The following ANKRD52 variants were observed in gnomAD, a reference collection of about 807,000 sequenced individuals.
ANKRD52 encodes serine/threonine-protein phosphatase 6 regulatory ankyrin repeat subunit C.
Under a neutral mutation model 116.0 loss-of-function variants are expected in ANKRD52, and 7 were observed. That is an observed-to-expected ratio of 0.06 (90% confidence interval 0.03 to 0.11). The LOEUF (loss-of-function observed/expected upper bound fraction) is 0.11, where lower values mean the gene tolerates loss of function less well. ANKRD52 is among the 10% of genes least tolerant of loss of function. ANKRD52 has a pLI of 1.00. For missense variants in ANKRD52, 839 were observed against 1,408.6 expected (o/e 0.60, Z 6.47); for synonymous variants, 528 against 578.1 (o/e 0.91, Z 1.24).
chr12:56,240,069 C>T lies in ANKRD52; in HGVS notation c.*3073G>A, dbSNP rs541709049. 3 of 152,294 alleles carry T rather than the reference C, an allele frequency of 2.0e-5. No homozygotes were observed. Among genetic ancestry groups the T allele is most frequent in the South Asian group, 4.2e-4 (2 of 4,810 alleles). 9.4% of individuals were successfully genotyped at this position (152,294 alleles called of 1,614,324 possible). ...CCCCTCCCCCAGGGGCTGCTCCCCA[C>T]CCCAACCTGGGCTGTACATTCAGTG... On this transcript the variant is annotated 3_prime_UTR_variant, in exon 28 of 28. Coordinates refer to ENST00000267116, the MANE Select transcript of ANKRD52 (RefSeq NM_173595.4). This position sits in a 1 kb window ranked among gnomAD's most constrained non-coding sequence, Gnocchi z 4.2.
In ANKRD52 at chr12:56,248,451, C is replaced by T. The variant is rs1871524421; in HGVS notation, c.1776+44G>A. 1.3e-6 allele frequency: 2 copies of T among 1,554,248 alleles called. No individual in the cohort carries two copies. The highest frequency in any genetic ancestry group is 1.7e-6 in the Non-Finnish European group (2 of 1,143,438). ...TGGCACCTTTGTTAGGGCCTGGGAA[C>T]AGGTAGGACAAGGAAGGCAACAGAA... On this transcript the variant is annotated intron_variant, in intron 17 of 27. Transcript: ENST00000267116. The surrounding 1 kb of genome is among the most constrained non-coding windows in gnomAD (Gnocchi z 5.1).
rs748093246 is a variant in ANKRD52, at chr12:56,244,324, G to A, written c.2805+29C>T. The A allele has an allele frequency of 3.1e-6, 5 of 1,608,678 alleles. No individual in the cohort carries two copies. The highest frequency in any genetic ancestry group is 3.4e-6 in the Non-Finnish European group (4 of 1,175,212). On this transcript the variant is annotated intron_variant, in intron 25 of 27. Transcript: ENST00000267116. This position sits in a 1 kb window ranked among gnomAD's most constrained non-coding sequence, Gnocchi z 4.9. Reference sequence around the variant, plus strand: ...CTCTTCATCAAGCTCTGCCCCTTATGCAGTCCCCCAATCACTTCAGGTAAG... The same window carrying A: ...CTCTTCATCAAGCTCTGCCCCTTATACAGTCCCCCAATCACTTCAGGTAAG...
In ANKRD52 at chr12:56,242,467, C is replaced by CA. The variant is rs1871207048; in HGVS notation, c.*674dup. 2 of 318,758 alleles carry CA rather than the reference C, an allele frequency of 6.3e-6. No homozygotes were observed. The allele number at this position is 318,758 out of a possible 1,614,324, so 19.7% of individuals were successfully genotyped here. A position where few individuals can be genotyped will look rare whatever the true frequency, so the allele number is the denominator to read the frequency against. ...GGGGGCAGAACCAGCCCTTGATTTG[C>CA]ATATGAGGAGCCAGGGGAGAGTGCA... is the stretch of plus-strand genomic sequence containing the variant. On this transcript the variant is annotated 3_prime_UTR_variant, in exon 28 of 28. Transcript: ENST00000267116. The surrounding 1 kb of genome is among the most constrained non-coding windows in gnomAD (Gnocchi z 4.3).
rs1306375167 is a variant in ANKRD52 at position 56,252,520 on chromosome 12, C to T, written c.1352G>A (p.Arg451Lys). The T allele has an allele frequency of 1.9e-6, 3 of 1,613,852 alleles. No homozygotes were observed. Among genetic ancestry groups the T allele is most frequent in the African/African-American group, 2.7e-5 (2 of 74,918 alleles). ...LLLSSGADLR[R>K]RDKFGRTPLH... ...AGCATACCTGCCAAATTTGTCCCTC[C>T]TCCTCAAGTCAGCTCCACTGCTCAA... Residue 451 changes from arginine (R) to lysine (K), a missense_variant, in exon 13 of 28, where the codon AGG becomes AAG. By Grantham distance (26) the Arg-to-Lys change is conservative (BLOSUM62 2). This residue lies in a region of ANKRD52 where 287 missense variants were observed against 598.1 expected (regional missense o/e 0.48). Coordinates refer to ENST00000267116, the MANE Select transcript of ANKRD52 (RefSeq NM_173595.4). The surrounding 1 kb of genome is among the most constrained non-coding windows in gnomAD (Gnocchi z 4.7).
intron 15 of ANKRD52, among the ~76,000 whole-genome samples, chr12:56,251,682 G>A (rs1871698606): frequency 6.8e-6 from 1 of 147,092 alleles, no homozygotes; most frequent in South Asian, 2.1e-4. Flanking sequence ...CGGGCGCGGT[G>A]AGCTGAGATC....
In ANKRD52 at chr12:56,244,683, C is replaced by T. The variant is rs1316431625; in HGVS notation, c.2691G>A (p.Thr897=). 5.0e-6 allele frequency: 8 copies of T among 1,613,930 alleles called. No individual in the cohort carries two copies. The Middle Eastern group carries it at 6.6e-4, about 133-fold the overall frequency. The change falls in exon 24 of 28, where the codon ACG becomes ACA. Residue 897 remains threonine, a synonymous_variant. Coordinates refer to ENST00000267116, the MANE Select transcript of ANKRD52 (RefSeq NM_173595.4). The surrounding 1 kb of genome is among the most constrained non-coding windows in gnomAD (Gnocchi z 4.9). ...TDHTGRTALM[T]AAENGQTAAV... The stretch of plus-strand genomic sequence containing the variant: ...CAGCGGTCTGCCCGTTCTCAGCCGC[C>T]GTCATGAGCGCAGTGCGGCCAGTGT...
rs1649812544 is a variant in ANKRD52, at chr12:56,255,070, CA to C, written c.463-119del. ...GCAGCCTAATGCCTTTTTCCATGAG[CA>C]AAACAACCTGGAGGACTCGAGGGAA... On this transcript the variant is annotated intron_variant, in intron 5 of 27. Coordinates refer to ENST00000267116, the MANE Select transcript of ANKRD52 (RefSeq NM_173595.4). The surrounding 1 kb of genome is among the most constrained non-coding windows in gnomAD (Gnocchi z 4.3). The C allele has an allele frequency of 1.1e-6, 1 of 948,624 alleles. No individual in the cohort carries two copies. Among genetic ancestry groups the C allele is most frequent in the Non-Finnish European group, 1.6e-6 (1 of 617,532 alleles). 58.8% of individuals were successfully genotyped at this position (948,624 alleles called of 1,614,324 possible).
Position 56,245,612 on chromosome 12 carries a change from G to C in ANKRD52, c.2185-16C>G. ...CAGTCACTGCCTGTGAGTAACATGG[G>C]GGTGTGAGGGGGATGAAAAGCTCCT... On this transcript the variant is annotated splice_polypyrimidine_tract_variant and intron_variant, in intron 20 of 27. Transcript: ENST00000267116. The C allele has an allele frequency of 7.5e-6, 12 of 1,599,528 alleles. No homozygotes were observed. Among genetic ancestry groups the C allele is most frequent in the Non-Finnish European group, 1.0e-5 (12 of 1,177,020 alleles).
In ANKRD52 at chr12:56,254,693, A is replaced by G. The variant is rs369348616; in HGVS notation, c.578T>C (p.Val193Ala). Residue 193 changes from valine to alanine, a missense_variant, in exon 7 of 28, where the codon GTG (valine) becomes GCG (alanine). Physicochemically the swap from Val to Ala is moderately conservative, Grantham distance 64. Around this residue, in one of 2 missense-constraint regions of ANKRD52, gnomAD observed 287 missense variants for 598.1 expected, o/e 0.48. Coordinates refer to ENST00000267116, the MANE Select transcript of ANKRD52 (RefSeq NM_173595.4). This position sits in a 1 kb window ranked among gnomAD's most constrained non-coding sequence, Gnocchi z 4.6. The part of the protein sequence containing the change: ...LGHLEVLKLL[V>A]ARGADLGCKD... Reference sequence around the variant, plus strand: ...GCAGCCGAGGTCTGCTCCCCGTGCCACCAGCAGTTTTAGGACCTCCAAGTG... The same window carrying G: ...GCAGCCGAGGTCTGCTCCCCGTGCCGCCAGCAGTTTTAGGACCTCCAAGTG... 1.2e-6 allele frequency: 2 copies of G among 1,612,636 alleles called. No homozygotes were observed. The highest frequency in any genetic ancestry group is 1.3e-5 in the African/African-American group (1 of 75,012).
chr12:56,250,513 A>G (rs528582780), intron 15 of ANKRD52, among the ~76,000 whole-genome samples: 2 of 151,922 alleles, frequency 1.3e-5, no homozygotes, highest in Non-Finnish European at 2.9e-5. Flanking sequence ...TGCCTCCTGA[A>G]TAACTGGGAA....
chr12:56,248,806 C>A lies in ANKRD52; in HGVS notation c.1657G>T (p.Ala553Ser), dbSNP rs989527532. ...CCATAGGCGGCTGCATAGTGCACAG[C>A]TGTGTAGCCCTGCCTGTCCCGCAGG... The part of the protein sequence containing the change: ...PSLRDRQGYT[A>S]VHYAAAYGNR... The change falls in exon 16 of 28, where the codon GCT (alanine) becomes TCT (serine). Residue 553 changes from alanine to serine, a missense_variant. Ala to Ser is a moderately conservative substitution (Grantham distance 99, BLOSUM62 1). Around this residue, in one of 2 missense-constraint regions of ANKRD52, gnomAD observed 552 missense variants for 810.6 expected, o/e 0.68. Coordinates refer to ENST00000267116, the MANE Select transcript of ANKRD52 (RefSeq NM_173595.4). This position sits in a 1 kb window ranked among gnomAD's most constrained non-coding sequence, Gnocchi z 5.1. 1 of 1,611,402 alleles carries A rather than the reference C, an allele frequency of 6.2e-7. No individual in the cohort carries two copies. Among genetic ancestry groups the A allele is most frequent in the African/African-American group, 1.3e-5 (1 of 75,022 alleles).
In ANKRD52 at chr12:56,255,023, C is replaced by T; in HGVS notation, c.463-71G>A. On this transcript the variant is annotated intron_variant, in intron 5 of 27. Coordinates refer to ENST00000267116, the MANE Select transcript of ANKRD52 (RefSeq NM_173595.4). This position sits in a 1 kb window ranked among gnomAD's most constrained non-coding sequence, Gnocchi z 4.3. Reference sequence around the variant, plus strand: ...CCTCAACCTACCTAAGAGCAGAGGCCTCATCTCCTGAAAAGGCTGAGGCAG... The same window carrying T: ...CCTCAACCTACCTAAGAGCAGAGGCTTCATCTCCTGAAAAGGCTGAGGCAG... 2.0e-6 allele frequency: 3 copies of T among 1,511,346 alleles called. No individual in the cohort carries two copies. The highest frequency in any genetic ancestry group is 1.4e-5 in the African/African-American group (1 of 72,716). The allele number at this position is 1,511,346 out of a possible 1,614,324, so 93.6% of individuals were successfully genotyped here.
At chr12:56,245,836 TC>T (rs1287184933) in intron 20 of ANKRD52, among the ~76,000 whole-genome samples, 1 of 147,188 alleles carries the variant, frequency 6.8e-6, no homozygotes, top group Non-Finnish European at 1.5e-5. Context: ...TGCCTCAGCC[TC>T]CCAAGTAGCT....
chr12:56,248,401 G>A lies in ANKRD52; in HGVS notation c.1776+94C>T. 6.8e-7 allele frequency: 1 copy of A among 1,464,072 alleles called. No homozygotes were observed. Among genetic ancestry groups the A allele is most frequent in the Non-Finnish European group, 9.4e-7 (1 of 1,065,672 alleles). The allele number at this position is 1,464,072 out of a possible 1,614,324, so 90.7% of individuals were successfully genotyped here. A position where few individuals can be genotyped will look rare whatever the true frequency, so the allele number is the denominator to read the frequency against. Reference sequence around the variant, plus strand: ...TTATCCCCTCTCCCACAAAAAGGCAGAAGGAAGGATAACTTCACAAGTGCT... The same window carrying A: ...TTATCCCCTCTCCCACAAAAAGGCAAAAGGAAGGATAACTTCACAAGTGCT... On this transcript the variant is annotated intron_variant, in intron 17 of 27. Coordinates refer to ENST00000267116, the MANE Select transcript of ANKRD52 (RefSeq NM_173595.4). The surrounding 1 kb of genome is among the most constrained non-coding windows in gnomAD (Gnocchi z 5.1).
chr12:56,246,289 C>CA (rs1289108153), intron 20 of ANKRD52, among the ~76,000 whole-genome samples: 1 of 152,256 alleles, frequency 6.6e-6, no homozygotes, highest in Non-Finnish European at 1.5e-5. Flanking sequence ...CTTGGCCTTC[C>CA]AAAGTGCTGG....
rs769491314 is a variant in ANKRD52, at chr12:56,248,814, C to T, written c.1649G>A (p.Gly550Asp). Reference sequence around the variant, plus strand: ...GGCTGCATAGTGCACAGCTGTGTAGCCCTGCCTGTCCCGCAGGGAGGGGTC... The same window carrying T: ...GGCTGCATAGTGCACAGCTGTGTAGTCCTGCCTGTCCCGCAGGGAGGGGTC... ...GADPSLRDRQGYTAVHYAAAY... is the reference protein window; with the variant it reads ...GADPSLRDRQDYTAVHYAAAY... The change falls in exon 16 of 28, where the codon GGC (glycine) becomes GAC (aspartate). Residue 550 changes from glycine (G) to aspartate (D), a missense_variant. Physicochemically the swap from Gly to Asp is moderately conservative, Grantham distance 94. Transcript: ENST00000267116. The surrounding 1 kb of genome is among the most constrained non-coding windows in gnomAD (Gnocchi z 5.1). 3 of 1,611,620 alleles carry T rather than the reference C, an allele frequency of 1.9e-6. No individual in the cohort carries two copies. The highest frequency in any genetic ancestry group is 2.2e-5 in the East Asian group (1 of 44,826).
chr12:56,247,934 C>A, intron 18 of ANKRD52, 89 bp downstream of exon 18: 1 of 1,412,214 alleles, frequency 7.1e-7, no homozygotes, highest in East Asian at 2.5e-5. Context: ...CTCCATTCTC[C>A]TCACCCTACT....
intron 15 of ANKRD52, among the ~76,000 whole-genome samples, chr12:56,250,338 T>C (rs1459181779): frequency 2.6e-5 from 4 of 150,956 alleles, no homozygotes; most frequent in Non-Finnish European, 5.9e-5. Context: ...ATTACAGGCA[T>C]GAGTCACTGT....
intron 15 of ANKRD52, among the ~76,000 whole-genome samples, chr12:56,249,639 C>T (rs1268036272): frequency 6.6e-6 from 1 of 152,204 alleles, no homozygotes; most frequent in Admixed American, 6.6e-5. Context: ...CTCGGTTGCT[C>T]ACATCTTTAA....
Sources: allele counts gnomAD v4.1 joint callset (sites outside exome capture counted in the v4.1 genomes callset), GRCh38; gene constraint gnomAD v4.1.1; regional missense constraint gnomAD v4.1.1; non-coding constraint Gnocchi (gnomAD v3.1); transcripts MANE v1.5; gene names NCBI Gene and HGNC (gene_info 2026-07-23, HGNC 2026-07-21).